Variants in KLRK1 observed in about 807,000 individuals in gnomAD.
KLRK1 encodes the protein killer cell lectin like receptor K1, also known as NKG2-D type II integral membrane protein.
Under a neutral mutation model 31.3 loss-of-function variants are expected in KLRK1, and 40 were observed. The ratio of observed to expected loss-of-function variants is 1.28; its 90% CI spans 0.99 to 1.67. The LOEUF (loss-of-function observed/expected upper bound fraction) is 1.67, where lower values mean the gene tolerates loss of function less well. Among genes scored for constraint, KLRK1 ranks in the 40% most tolerant of loss-of-function variants. The pLI is 0.00. For synonymous variants in KLRK1, 77 were observed against 77.3 expected, an observed-to-expected ratio of 1.00 and a Z score of 0.02; for missense variants, 251 against 260.0, an observed-to-expected ratio of 0.97 and a Z score of 0.24.
intron 7 of KLRK1, among the ~76,000 whole-genome samples, chr12:10,377,367 A>G (rs1862986783): frequency 6.6e-6 from 1 of 152,244 alleles, no homozygotes; most frequent in Non-Finnish European, 1.5e-5. Context: ...CTTGTACACA[A>G]ATATTATTAG....
intron 3 of KLRK1, among the ~76,000 whole-genome samples, chr12:10,382,665 T>C (rs1025439850): frequency 1.3e-5 from 2 of 150,592 alleles, no homozygotes; most frequent in Admixed American, 1.3e-4. Flanking sequence ...AACTCACTGA[T>C]AAAAGTAAGT....
rs1042615449 is a variant in KLRK1 at position 10,389,961 on chromosome 12, T to A, written c.-84A>T. On this transcript the variant is annotated 5_prime_UTR_variant, in exon 1 of 8. Coordinates refer to ENST00000240618, the MANE Select transcript of KLRK1 (RefSeq NM_007360.4). ...CACACACCTGCTCAGAGAGGGAAGATCTTGATTCTTGTGGATAAAAGCCTT... is the reference window on the plus strand; with the variant it reads ...CACACACCTGCTCAGAGAGGGAAGAACTTGATTCTTGTGGATAAAAGCCTT... 2 of 152,028 alleles carry A rather than the reference T, an allele frequency of 1.3e-5. No individual in the cohort carries two copies. Among genetic ancestry groups the A allele is most frequent in the Admixed American group, 6.6e-5 (1 of 15,246 alleles). The allele number at this position is 152,028 out of a possible 1,614,324, so 9.4% of individuals were successfully genotyped here.
Position 10,378,699 on chromosome 12 carries a change from T to C in KLRK1, c.284A>G (p.Tyr95Cys). 6.3e-7 allele frequency: 1 copy of C among 1,594,352 alleles called. No individual in the cohort carries two copies. Among genetic ancestry groups the C allele is most frequent in the Non-Finnish European group, 8.5e-7 (1 of 1,174,678 alleles). The change falls in exon 6 of 8, where the codon TAC becomes TGC. Residue 95 changes from tyrosine to cysteine, a missense_variant. Physicochemically the swap from Tyr to Cys is radical, Grantham distance 194 (BLOSUM62 -2). Coordinates refer to ENST00000240618, the MANE Select transcript of KLRK1 (RefSeq NM_007360.4). Reference protein sequence around the residue: ...QEVQIPLTESYCGPCPKNWIC... With the variant: ...QEVQIPLTESCCGPCPKNWIC... ...CCAGTTTTTAGGACATGGGCCACAG[T>C]AACTTTCTGGAAAAGGAGAATATAT...
At chr12:10,373,758 T>C (rs1314463895) in intron 7 of KLRK1, among the ~76,000 whole-genome samples, 2 of 152,116 alleles carry the variant, frequency 1.3e-5, no homozygotes, top group Non-Finnish European at 2.9e-5. Context: ...TATATCTATA[T>C]ATGTGTTTTA....
intron 6 of KLRK1, 29 bp downstream of exon 6, chr12:10,378,525 A>T: frequency 1.9e-6 from 3 of 1,606,204 alleles, no homozygotes; most frequent in Non-Finnish European, 2.5e-6. Context: ...GATTAAATAC[A>T]GGATGGGAAA....
intron 7 of KLRK1, among the ~76,000 whole-genome samples, chr12:10,375,044 T>TA (rs11415103): frequency 0.58 from 88,563 of 151,838 alleles, 28,196 homozygotes; most frequent in East Asian, 0.71. Context: ...TTTTTTCTGT[T>TA]AAAAAAACTC....
At position 10,379,454 on chromosome 12, in the gene KLRK1, G is replaced by C. The variant is rs763969539; in HGVS notation, c.270C>G (p.Pro90=). The change falls in exon 5 of 8, where the codon CCC becomes CCG. Residue 90 remains proline (P), a synonymous_variant. Coordinates refer to ENST00000240618, the MANE Select transcript of KLRK1 (RefSeq NM_007360.4). ...NSLFNQEVQI[P]LTESYCGPCP... The stretch of plus-strand genomic sequence containing the variant: ...TTTTAAAAATTCACTTACCGGTCAA[G>C]GGAATTTGAACTTCTTGGTTGAATA... The C allele has an allele frequency of 1.1e-5, 16 of 1,465,712 alleles. No individual in the cohort carries two copies. The highest frequency in any genetic ancestry group is 2.8e-5 in the African/African-American group (2 of 70,992). 90.8% of individuals were successfully genotyped at this position (1,465,712 alleles called of 1,614,324 possible).
chr12:10,375,109 T>A (rs1295369366), intron 7 of KLRK1, among the ~76,000 whole-genome samples: 1 of 152,178 alleles, frequency 6.6e-6, no homozygotes, highest in East Asian at 1.9e-4. Context: ...ATACTGGGGC[T>A]TCCAAATTAC....
chr12:10,373,112 C>G lies in KLRK1; in HGVS notation c.*2G>C. 6.2e-7 allele frequency: 1 copy of G among 1,611,510 alleles called. No individual in the cohort carries two copies. The highest frequency in any genetic ancestry group is 8.5e-7 in the Non-Finnish European group (1 of 1,178,586). ...GGCTTTTATTGAGATGGTTGATCATCTTTACACAGTCCTTTGCATGCAGAT... is the reference window on the plus strand; with the variant it reads ...GGCTTTTATTGAGATGGTTGATCATGTTTACACAGTCCTTTGCATGCAGAT... On this transcript the variant is annotated 3_prime_UTR_variant, in exon 8 of 8. Transcript: ENST00000240618.
chr12:10,388,896 C>G, intron 1 of KLRK1, 21 bp from the exon 2 acceptor site: 1 of 1,528,688 alleles, frequency 6.5e-7, no homozygotes. Context: ...TAAAACTGGG[C>G]ATTTGTTTTT....
chr12:10,381,190 C>T (rs1863067642), intron 3 of KLRK1, among the ~76,000 whole-genome samples: 1 of 151,834 alleles, frequency 6.6e-6, no homozygotes, highest in African/African-American at 2.4e-5. Context: ...AGTGCCACCA[C>T]TGCCAGCAAT....
At chr12:10,380,388 T>C (rs1259332925) in intron 3 of KLRK1, among the ~76,000 whole-genome samples, 3 of 152,056 alleles carry the variant, frequency 2.0e-5, no homozygotes, top group Admixed American at 6.5e-5. Flanking sequence ...TTTATGCAGA[T>C]ACAATAATAA....
At chr12:10,381,732 T>C (rs1314225671) in intron 3 of KLRK1, 1 of 152,152 alleles carries the variant, frequency 6.6e-6, no homozygotes, top group East Asian at 1.9e-4. Context: ...ATTCAAGAAA[T>C]TAGGTGCGCT....
chr12:10,383,671 C>A (rs576274891), intron 3 of KLRK1, among the ~76,000 whole-genome samples: 1 of 152,154 alleles, frequency 6.6e-6, no homozygotes, highest in Non-Finnish European at 1.5e-5. Flanking sequence ...ATGTACAGAA[C>A]ATTTCATCCA....
chr12:10,378,314 C>G, intron 6 of KLRK1, 79 bp from the exon 7 acceptor site: 1 of 1,475,558 alleles, frequency 6.8e-7, no homozygotes. Context: ...ACCATTTCAT[C>G]TGTTCTCACA....
chr12:10,378,940 G>T, intron 5 of KLRK1: 2 of 356,832 alleles, frequency 5.6e-6, no homozygotes, highest in Non-Finnish European at 9.7e-6. Context: ...ACTCACTTGA[G>T]GTTAGAAGTT....
At position 10,379,612 on chromosome 12, in the gene KLRK1, G is replaced by A. The variant is rs1490514410; in HGVS notation, c.241+88C>T. 3.6e-6 allele frequency: 5 copies of A among 1,384,492 alleles called. No homozygotes were observed. In the African/African-American group the frequency reaches 4.3e-5, roughly 12 times the overall value. The allele number at this position is 1,384,492 out of a possible 1,614,324, so 85.8% of individuals were successfully genotyped here. A position where few individuals can be genotyped will look rare whatever the true frequency, so the allele number is the denominator to read the frequency against. On this transcript the variant is annotated intron_variant, in intron 4 of 7. Transcript: ENST00000240618. ...GATACATTTAATATTTCTAGTTTAT[G>A]TGTCTGTGTTTATGAATACTAACAA...
At position 10,386,984 on chromosome 12, in the gene KLRK1, A is replaced by C; in HGVS notation, c.67T>G (p.Leu23Val). Reference sequence around the variant, plus strand: ...GAAAAATCACTCTTCTTCAGATCCAAGTTATAATTATGAAATTCACTCATC... The same window carrying C: ...GAAAAATCACTCTTCTTCAGATCCACGTTATAATTATGAAATTCACTCATC... Reference protein sequence around the residue: ...WEMSEFHNYNLDLKKSDFSTR... With the variant: ...WEMSEFHNYNVDLKKSDFSTR... Residue 23 changes from leucine to valine, a missense_variant, in exon 3 of 8, where the codon TTG (leucine) becomes GTG (valine). Coordinates refer to ENST00000240618, the MANE Select transcript of KLRK1 (RefSeq NM_007360.4). 6.2e-7 allele frequency: 1 copy of C among 1,611,000 alleles called. No individual in the cohort carries two copies. Among genetic ancestry groups the C allele is most frequent in the Non-Finnish European group, 8.5e-7 (1 of 1,178,552 alleles).
At chr12:10,381,803 G>GAT (rs1266734966) in intron 3 of KLRK1, 1 of 152,218 alleles carries the variant, frequency 6.6e-6, no homozygotes, top group African/African-American at 2.4e-5. Flanking sequence ...GGTAAGAAAA[G>GAT]ATGGTCTTGC....
Sources: allele counts gnomAD v4.1 joint callset (sites outside exome capture counted in the v4.1 genomes callset), GRCh38; gene constraint gnomAD v4.1.1; transcripts MANE v1.5; gene names NCBI Gene and HGNC (gene_info 2026-07-23, HGNC 2026-07-21).